SLC35F4: variants seen among roughly 807,000 people sequenced by gnomAD.
SLC35F4 encodes the protein solute carrier family 35 member F4.
In SLC35F4, 24 loss-of-function variants were observed where a neutral mutation model predicts 44.2. That is an observed-to-expected ratio of 0.54 (90% confidence interval 0.39 to 0.76). SLC35F4 has a LOEUF of 0.76. Among genes scored for constraint, SLC35F4 ranks in the 30% least tolerant of loss-of-function variants. SLC35F4 has a pLI of 0.00. For synonymous variants in SLC35F4, 238 were observed against 223.6 expected (o/e 1.06, Z -0.57); for missense variants, 562 against 586.1 (o/e 0.96, Z 0.42).
intron 1 of SLC35F4, among the ~76,000 whole-genome samples, chr14:57,905,936 C>G (rs1344670100): frequency 6.6e-6 from 1 of 151,872 alleles, no homozygotes; most frequent in Non-Finnish European, 1.5e-5. Context: ...GCATCAAACT[C>G]CAAAAGACAG....
chr14:57,885,718 T>A (rs1888632082), intron 1 of SLC35F4, among the ~76,000 whole-genome samples: 1 of 152,182 alleles, frequency 6.6e-6, no homozygotes, highest in Non-Finnish European at 1.5e-5. Context: ...AACATAGAGC[T>A]TTTTTATCAT....
At chr14:57,810,233 A>G (rs1881807993) in intron 1 of SLC35F4, among the ~76,000 whole-genome samples, 2 of 152,074 alleles carry the variant, frequency 1.3e-5, no homozygotes, top group African/African-American at 4.8e-5. Flanking sequence ...TGCTCCCCCC[A>G]CTACTTACCA....
chr14:57,564,441 C>T, intron 7 of SLC35F4, 65 bp from the exon 8 acceptor site: 1 of 1,537,312 alleles, frequency 6.5e-7, no homozygotes, highest in Non-Finnish European at 8.8e-7. Context: ...AACAAGTCAC[C>T]AAAGTCCATG....
intron 1 of SLC35F4, among the ~76,000 whole-genome samples, chr14:57,908,289 T>C (rs2141049685): frequency 6.6e-6 from 1 of 152,298 alleles, no homozygotes; most frequent in East Asian, 1.9e-4. Context: ...ATGATCTATA[T>C]TCCTTTGGGT....
chr14:57,789,056 G>A (rs906491062), intron 1 of SLC35F4, among the ~76,000 whole-genome samples: 1 of 152,162 alleles, frequency 6.6e-6, no homozygotes, highest in Non-Finnish European at 1.5e-5. Context: ...ACATGAGAAA[G>A]TGGGACAGAT....
intron 1 of SLC35F4, among the ~76,000 whole-genome samples, chr14:57,620,413 A>G (rs1235695144): frequency 1.3e-5 from 2 of 152,184 alleles, no homozygotes; most frequent in African/African-American, 4.8e-5. Flanking sequence ...AGAATTTTCA[A>G]CCCAGAATTT....
At chr14:57,602,962 G>A (rs141105284) in intron 1 of SLC35F4, among the ~76,000 whole-genome samples, 429 of 152,212 alleles carry the variant, frequency 2.8e-3, no homozygotes, top group Middle Eastern at 6.8e-3. Context: ...GTCTAAAGTT[G>A]TTTTCCTAAT....
intron 1 of SLC35F4, among the ~76,000 whole-genome samples, chr14:57,874,378 C>T (rs928667870): frequency 3.3e-5 from 5 of 152,200 alleles, no homozygotes; most frequent in Non-Finnish European, 7.3e-5. Context: ...ACATACCAGG[C>T]AATCAAAACA....
At chr14:57,952,226 G>A (rs1235014859) in intron 1 of SLC35F4, among the ~76,000 whole-genome samples, 2 of 152,090 alleles carry the variant, frequency 1.3e-5, no homozygotes, top group African/African-American at 2.4e-5. Flanking sequence ...TAACAAACAG[G>A]AAGGAATAGC....
intron 1 of SLC35F4, among the ~76,000 whole-genome samples, chr14:57,939,881 T>C (rs939443710): frequency 2.6e-5 from 4 of 152,240 alleles, no homozygotes; most frequent in Admixed American, 2.0e-4. Flanking sequence ...TATAAAGTGC[T>C]TAGCAATGTG....
intron 1 of SLC35F4, among the ~76,000 whole-genome samples, chr14:57,617,216 C>T (rs1364930326): frequency 2.0e-5 from 3 of 146,544 alleles, no homozygotes; most frequent in African/African-American, 5.0e-5. Context: ...CTGCAACCTC[C>T]ACCTCCCGGG....
At chr14:57,605,019 G>A (rs1388372608) in intron 1 of SLC35F4, among the ~76,000 whole-genome samples, 1 of 152,068 alleles carries the variant, frequency 6.6e-6, no homozygotes, top group Non-Finnish European at 1.5e-5. Flanking sequence ...AGAAAACCTA[G>A]GAAATACCCT....
intron 7 of SLC35F4, among the ~76,000 whole-genome samples, chr14:57,564,694 C>G (rs1375774750): frequency 6.6e-6 from 1 of 152,166 alleles, no homozygotes; most frequent in Non-Finnish European, 1.5e-5. Flanking sequence ...ATGAGCCAAA[C>G]ATGTTAGTGT....
intron 1 of SLC35F4, among the ~76,000 whole-genome samples, chr14:57,922,760 T>C (rs1302642811): frequency 6.6e-6 from 1 of 152,192 alleles, no homozygotes; most frequent in Non-Finnish European, 1.5e-5. Context: ...TCTGTGACCT[T>C]GGGAAGTGTC....
At chr14:57,733,468 T>C (rs1401037526) in intron 1 of SLC35F4, among the ~76,000 whole-genome samples, 1 of 151,304 alleles carries the variant, frequency 6.6e-6, no homozygotes, top group Non-Finnish European at 1.5e-5. Context: ...AACCAATAAA[T>C]TTAGATATAG....
chr14:57,790,598 C>G (rs1399829811), intron 1 of SLC35F4, among the ~76,000 whole-genome samples: 1 of 152,138 alleles, frequency 6.6e-6, no homozygotes, highest in African/African-American at 2.4e-5. Context: ...TCTCATCAAG[C>G]TACCATTGAC....
intron 1 of SLC35F4, among the ~76,000 whole-genome samples, chr14:57,623,542 T>C (rs139803045): frequency 0.03 from 4,603 of 152,252 alleles, 91 homozygotes; most frequent in Middle Eastern, 0.058. Flanking sequence ...TATTCTAAAA[T>C]TGACCACATA....
intron 1 of SLC35F4, among the ~76,000 whole-genome samples, chr14:57,836,360 T>C (rs1884919573): frequency 6.6e-6 from 1 of 152,214 alleles, no homozygotes; most frequent in African/African-American, 2.4e-5. Context: ...TGGCGCGATC[T>C]CAGCTCACTG....
intron 1 of SLC35F4, among the ~76,000 whole-genome samples, chr14:57,633,230 C>G (rs1174478637): frequency 6.6e-6 from 1 of 152,138 alleles, no homozygotes; most frequent in Non-Finnish European, 1.5e-5. Context: ...AAGTTTTCAA[C>G]TCCTTTGAAT....
Sources: allele counts gnomAD v4.1 joint callset (sites outside exome capture counted in the v4.1 genomes callset), GRCh38; gene constraint gnomAD v4.1.1; transcripts MANE v1.5; gene names NCBI Gene and HGNC (gene_info 2026-07-23, HGNC 2026-07-21).